UXS1: variants seen among roughly 807,000 people sequenced by gnomAD.
The protein encoded by UXS1 is UDP-glucuronate decarboxylase 1.
UXS1 carries 33 observed loss-of-function variants against 62.6 expected under a neutral mutation model. The observed-to-expected ratio is 0.53, with a 90% CI of 0.40 to 0.70. The LOEUF (loss-of-function observed/expected upper bound fraction) is 0.70. UXS1 is among the 30% of genes least tolerant of loss of function. UXS1 has a pLI of 0.00. For missense variants in UXS1, 434 were observed against 556.3 expected, an observed-to-expected ratio of 0.78 and a Z score of 2.21; for synonymous variants, 213 against 206.8, an observed-to-expected ratio of 1.03 and a Z score of -0.26.
At chr2:106,094,493 G>C (rs974967672) in intron 14 of UXS1, among the ~76,000 whole-genome samples, 1 of 152,238 alleles carries the variant, frequency 6.6e-6, no homozygotes, top group African/African-American at 2.4e-5. Context: ...TGGCAAGATT[G>C]TTTTTCAGAT....
chr2:106,160,994 G>C (rs1423167002), intron 4 of UXS1, among the ~76,000 whole-genome samples: 1 of 152,138 alleles, frequency 6.6e-6, no homozygotes, highest in Non-Finnish European at 1.5e-5. Context: ...AGGAAGGGGA[G>C]AGTGCCTGTG....
chr2:106,144,647 T>A (rs896127229), intron 6 of UXS1, among the ~76,000 whole-genome samples: 6 of 152,230 alleles, frequency 3.9e-5, no homozygotes, highest in African/African-American at 1.4e-4. Flanking sequence ...TGGTTTTCTA[T>A]CAAATTAGCA....
At chr2:106,111,436 T>G (rs1678600233) in intron 10 of UXS1, among the ~76,000 whole-genome samples, 1 of 152,196 alleles carries the variant, frequency 6.6e-6, no homozygotes, top group African/African-American at 2.4e-5. Flanking sequence ...TACAATGCAG[T>G]TGCCCTTGGA....
chr2:106,123,129 C>T (rs1022445768), intron 8 of UXS1, 38 bp from the exon 9 acceptor site: 1 of 1,611,470 alleles, frequency 6.2e-7, no homozygotes, highest in Admixed American at 1.7e-5. Context: ...TTCATCTTTC[C>T]TTTTTCCAGT....
chr2:106,102,121 G>A (rs760532999), intron 11 of UXS1: 1 of 152,132 alleles, frequency 6.6e-6, no homozygotes, highest in Non-Finnish European at 1.5e-5. Flanking sequence ...CGACAAATGC[G>A]TATTTCATAT....
At chr2:106,163,646 T>C (rs1313995013) in intron 4 of UXS1, 21 bp downstream of exon 4, 16 of 1,457,036 alleles carry the variant, frequency 1.1e-5, no homozygotes, top group Admixed American at 5.9e-5. Context: ...CTATTGACTT[T>C]AAGACAAAAA....
chr2:106,112,236 T>C (rs1197892137), intron 10 of UXS1, among the ~76,000 whole-genome samples: 2 of 152,216 alleles, frequency 1.3e-5, no homozygotes, highest in African/African-American at 4.8e-5. Flanking sequence ...GCCGGCATTG[T>C]CAAGGTGACG....
chr2:106,124,342 G>T (rs1262292261), intron 8 of UXS1, among the ~76,000 whole-genome samples: 1 of 152,196 alleles, frequency 6.6e-6, no homozygotes, highest in African/African-American at 2.4e-5. Context: ...GGACTGAAAT[G>T]CCCAGGATGC....
At chr2:106,179,114 G>T (rs781187479) in intron 1 of UXS1, among the ~76,000 whole-genome samples, 4 of 152,114 alleles carry the variant, frequency 2.6e-5, no homozygotes, top group Non-Finnish European at 5.9e-5. Flanking sequence ...GTCTCCCTCT[G>T]TGGCTCCATC....
At chr2:106,116,510 T>C (rs1679072755) in intron 9 of UXS1, among the ~76,000 whole-genome samples, 1 of 152,204 alleles carries the variant, frequency 6.6e-6, no homozygotes, top group Non-Finnish European at 1.5e-5. Context: ...GGCTCTTCCA[T>C]GCAAGATGAT....
intron 5 of UXS1, among the ~76,000 whole-genome samples, chr2:106,150,081 G>C (rs1681888905): frequency 6.6e-6 from 1 of 152,140 alleles, no homozygotes; most frequent in South Asian, 2.1e-4. Flanking sequence ...GCTTTATGAA[G>C]GCAAAATTTA....
chr2:106,130,841 G>C (rs979749843), intron 6 of UXS1, among the ~76,000 whole-genome samples: 1 of 152,160 alleles, frequency 6.6e-6, no homozygotes, highest in African/African-American at 2.4e-5. Context: ...GGAGACTCTA[G>C]ACCTTCATTC....
At chr2:106,142,968 G>C (rs1305343627) in intron 6 of UXS1, among the ~76,000 whole-genome samples, 5 of 151,700 alleles carry the variant, frequency 3.3e-5, no homozygotes. Flanking sequence ...TCACAGAATT[G>C]GCAGAAATGG....
intron 1 of UXS1, among the ~76,000 whole-genome samples, chr2:106,180,509 A>G (rs1473528537): frequency 6.6e-6 from 1 of 152,192 alleles, no homozygotes; most frequent in African/African-American, 2.4e-5. Context: ...CAATTATGTG[A>G]CTAATTCTTA....
chr2:106,136,889 G>A (rs1680678747), intron 6 of UXS1, among the ~76,000 whole-genome samples: 1 of 124,066 alleles, frequency 8.1e-6, no homozygotes, highest in Non-Finnish European at 1.6e-5. Flanking sequence ...ATGTGCACAT[G>A]TACCCTAAAA....
At chr2:106,096,302 GTA>G (rs1463360729) in intron 14 of UXS1, among the ~76,000 whole-genome samples, 1 of 151,966 alleles carries the variant, frequency 6.6e-6, no homozygotes, top group African/African-American at 2.4e-5. Flanking sequence ...TAGTGTGAAT[GTA>G]TATGTATGTG....
chr2:106,178,498 GTGTA>G (rs1166062741), intron 1 of UXS1, among the ~76,000 whole-genome samples: 4 of 136,138 alleles, frequency 2.9e-5, no homozygotes, highest in African/African-American at 1.1e-4. Context: ...ATATAAGTAT[GTGTA>G]TGTATACATA....
At chr2:106,145,924 A>G (rs934278492) in intron 5 of UXS1, among the ~76,000 whole-genome samples, 1 of 152,214 alleles carries the variant, frequency 6.6e-6, no homozygotes, top group Admixed American at 6.5e-5. Context: ...CTAAAGCCCT[A>G]AACGCCTAAG....
chr2:106,192,587 T>C (rs1020195872), intron 1 of UXS1, among the ~76,000 whole-genome samples: 5 of 150,472 alleles, frequency 3.3e-5, no homozygotes, highest in African/African-American at 4.9e-5. Context: ...CATGGCTCCA[T>C]AAATCCCCTA....
Sources: allele counts gnomAD v4.1 joint callset (sites outside exome capture counted in the v4.1 genomes callset), GRCh38; gene constraint gnomAD v4.1.1; transcripts MANE v1.5; gene names NCBI Gene and HGNC (gene_info 2026-07-23, HGNC 2026-07-21).